The following EDA variants were observed in gnomAD, a reference collection of about 807,000 sequenced individuals.
EDA encodes ectodysplasin A, also known as ectodysplasin-A.
In EDA, 2 loss-of-function variants were observed where a neutral mutation model predicts 23.6. That is an observed-to-expected ratio of 0.08 (90% CI 0.03 to 0.27). The LOEUF is 0.27. Among genes scored for constraint, EDA ranks in the 10% least tolerant of loss-of-function variants. The probability of loss-of-function intolerance (pLI) is 1.00; values close to 1 mark genes in which losing one functional copy is unlikely to be tolerated. For missense variants in EDA, 229 were observed against 324.2 expected, an observed-to-expected ratio of 0.71 and a Z score of 2.26; for synonymous variants, 131 against 132.0, an observed-to-expected ratio of 0.99 and a Z score of 0.05.
intron 1 of EDA, among the ~76,000 whole-genome samples, chrX:69,818,623 T>C (rs377655118): frequency 9.0e-6 from 1 of 111,180 alleles, no homozygotes; most frequent in Non-Finnish European, 1.9e-5. Context: ...CTGGAAGAAA[T>C]TGATAAATTT....
chrX:70,033,470 G>A lies in EDA; in HGVS notation c.866G>A (p.Arg289His), dbSNP rs876657641. The stretch of plus-strand genomic sequence containing the variant: ...CCCAAGGTGTTTAAGCTACATCCCC[G>A]CAGCGGGGAGCTGGAGGTACTGGTG... ...MNPKVFKLHPRSGELEVLVDG... is the reference protein window; with the variant it reads ...MNPKVFKLHPHSGELEVLVDG... Residue 289 changes from arginine (R) to histidine (H), a missense_variant, in exon 7 of 8, where the codon CGC becomes CAC. Physicochemically the swap from Arg to His is conservative, Grantham distance 29. Around this residue, in one of 2 missense-constraint regions of EDA, gnomAD observed 175 missense variants for 281.8 expected, o/e 0.62. Coordinates refer to ENST00000374552, the MANE Select transcript of EDA (RefSeq NM_001399.5). 11 of 1,211,652 alleles carry A rather than the reference G, an allele frequency of 9.1e-6. No homozygotes were observed. The highest frequency in any genetic ancestry group is 1.2e-5 in the Non-Finnish European group (11 of 895,362).
At chrX:69,895,150 G>T (rs1232780195) in intron 1 of EDA, among the ~76,000 whole-genome samples, 1 of 111,285 alleles carries the variant, frequency 9.0e-6, no homozygotes, top group Non-Finnish European at 1.9e-5. Context: ...GGCCTTTTCT[G>T]CATCTATTGA....
intron 1 of EDA, among the ~76,000 whole-genome samples, chrX:69,861,539 T>C (rs1470156516): frequency 8.9e-6 from 1 of 111,809 alleles, no homozygotes; most frequent in Admixed American, 9.5e-5. Flanking sequence ...TGAGCTGGTA[T>C]GTATATAATC....
At chrX:69,839,675 G>T (rs1181295707) in intron 1 of EDA, among the ~76,000 whole-genome samples, 1 of 111,976 alleles carries the variant, frequency 8.9e-6, no homozygotes, top group East Asian at 2.8e-4. Context: ...TTCCACAAAT[G>T]TGTGCTACTA....
chrX:69,858,316 G>A (rs191580886), intron 1 of EDA, among the ~76,000 whole-genome samples: 81 of 111,924 alleles, frequency 7.2e-4, no homozygotes, highest in African/African-American at 2.5e-3. Flanking sequence ...GTGTTTTCAA[G>A]GGGGATGCTT....
chrX:70,023,077 C>A (rs1001847749), intron 2 of EDA, 141 bp from the exon 3 acceptor site: 64 of 365,489 alleles, frequency 1.8e-4, no homozygotes, highest in African/African-American at 1.6e-3. Flanking sequence ...TAGTTGGATC[C>A]TTGCCAAAAG....
At chrX:69,945,172 T>G (rs2018816698) in intron 1 of EDA, among the ~76,000 whole-genome samples, 1 of 111,573 alleles carries the variant, frequency 9.0e-6, no homozygotes, top group Non-Finnish European at 1.9e-5. Flanking sequence ...CTTATTAAGG[T>G]GGTTTCTGTA....
intron 1 of EDA, among the ~76,000 whole-genome samples, chrX:69,823,476 T>C (rs1453358159): frequency 1.2e-5 from 1 of 86,310 alleles, no homozygotes; most frequent in Non-Finnish European, 2.2e-5. Flanking sequence ...CATATGTTTT[T>C]TGGCTGCATA....
intron 2 of EDA, among the ~76,000 whole-genome samples, chrX:69,976,082 T>C (rs1185905453): frequency 9.0e-6 from 1 of 111,407 alleles, no homozygotes; most frequent in African/African-American, 3.3e-5. Flanking sequence ...TTTCAGGGCT[T>C]CTGAAACCTT....
chrX:69,749,632 G>T (rs1225496957), intron 1 of EDA: 1 of 111,599 alleles, frequency 9.0e-6, no homozygotes, highest in Non-Finnish European at 1.9e-5. Flanking sequence ...CTCAGGTCTG[G>T]AGTAGCCAGC....
At chrX:69,898,419 CAA>C (rs764675340) in intron 1 of EDA, among the ~76,000 whole-genome samples, 1 of 94,911 alleles carries the variant, frequency 1.1e-5, no homozygotes, top group Non-Finnish European at 2.1e-5. Flanking sequence ...GCTAAAAATA[CAA>C]AAAAAAAAAA....
chrX:69,762,624 G>GT (rs967171828), intron 1 of EDA, among the ~76,000 whole-genome samples: 12 of 111,148 alleles, frequency 1.1e-4, no homozygotes, highest in African/African-American at 3.6e-4. Flanking sequence ...TAGAAGCAGT[G>GT]TTTTTTTTAC....
At chrX:69,739,458 T>C (rs1016614496) in intron 1 of EDA, among the ~76,000 whole-genome samples, 2 of 111,030 alleles carry the variant, frequency 1.8e-5, no homozygotes, top group Non-Finnish European at 3.8e-5. Flanking sequence ...TGACTTTTGA[T>C]TGGATTGTTT....
intron 1 of EDA, among the ~76,000 whole-genome samples, chrX:69,871,513 A>G (rs2017565955): frequency 9.0e-6 from 1 of 111,591 alleles, no homozygotes; most frequent in South Asian, 3.8e-4. Context: ...GTAGACTAGG[A>G]GGCTAGGCCC....
intron 1 of EDA, among the ~76,000 whole-genome samples, chrX:69,741,342 T>TC (rs1227138650): frequency 4.5e-5 from 5 of 111,553 alleles, no homozygotes; most frequent in Admixed American, 2.9e-4. Flanking sequence ...AACACCCCCT[T>TC]CCCCAGTTCA....
intron 1 of EDA, among the ~76,000 whole-genome samples, chrX:69,638,854 A>G (rs1415151618): frequency 9.0e-6 from 1 of 111,578 alleles, no homozygotes; most frequent in African/African-American, 3.3e-5. Flanking sequence ...ATGTTGTGCA[A>G]TGATTGCCAC....
chrX:69,889,007 T>TATATATAC (rs2017880955), intron 1 of EDA, among the ~76,000 whole-genome samples: 1 of 72,376 alleles, frequency 1.4e-5, no homozygotes, highest in African/African-American at 5.0e-5. Context: ...TATATATATA[T>TATATATAC]ATATATATAT....
intron 2 of EDA, among the ~76,000 whole-genome samples, chrX:69,960,495 G>A (rs1427169452): frequency 2.7e-5 from 3 of 110,939 alleles, no homozygotes; most frequent in African/African-American, 6.6e-5. Flanking sequence ...CAGCCAAGTG[G>A]ATATATAAGT....
chrX:70,013,304 CAG>C lies in EDA; in HGVS notation c.503-9913_503-9912del, dbSNP rs770533894. On this transcript the variant is annotated intron_variant, in intron 2 of 7. Transcript: ENST00000374552. ...TACCTCCAGCACACTGCAGCAACCACAGGGAGAAGAGCACAGTAGCTCTTCCC... is the reference window on the plus strand; with the variant it reads ...TACCTCCAGCACACTGCAGCAACCACGGAGAAGAGCACAGTAGCTCTTCCC... 3.6e-5 allele frequency among the ~76,000 whole-genome samples: 4 copies of C among 111,501 alleles called. No homozygotes were observed. The East Asian group carries it at 1.2e-3, about 32-fold the overall frequency.
Sources: gnomAD v4.1 joint callset for allele counts (sites outside exome capture counted in the v4.1 genomes callset) on GRCh38, gnomAD v4.1.1 for gene constraint, gnomAD v4.1.1 regional missense constraint, MANE v1.5 for transcripts, NCBI Gene and HGNC (gene_info 2026-07-23, HGNC 2026-07-21) for gene names.